The following COL6A6 variants were observed in gnomAD, a reference collection of about 807,000 sequenced individuals.
The protein encoded by COL6A6 is collagen alpha-6(VI) chain.
Under a neutral mutation model 208.6 loss-of-function variants are expected in COL6A6, and 183 were observed. The ratio of observed to expected loss-of-function variants is 0.88; its 90% CI spans 0.78 to 0.99. COL6A6 has a LOEUF of 0.99. Among genes scored for constraint, COL6A6 ranks in the 50% least tolerant of loss-of-function variants. The pLI, the probability that COL6A6 is intolerant of heterozygous loss-of-function variation, is 0.00. For missense variants in COL6A6, 2,816 were observed against 2,815.2 expected, an observed-to-expected ratio of 1.00 and a Z score of -0.01; for synonymous variants, 973 against 1,011.8, an observed-to-expected ratio of 0.96 and a Z score of 0.73.
chr3:130,637,326 T>C (rs1441101312), intron 28 of COL6A6, among the ~76,000 whole-genome samples: 1 of 151,542 alleles, frequency 6.6e-6, no homozygotes, highest in African/African-American at 2.4e-5. Context: ...AATTAAGAAG[T>C]TTAACCTTGA....
rs141952501 is a variant in COL6A6, at chr3:130,613,367, G to T, written c.4815+2656G>T. ...CTGGGCTCTCTATTCTGTTCCATTGGTCTAGAGTCTGTTTTTATGCCAGTA... is the reference window on the plus strand; with the variant it reads ...CTGGGCTCTCTATTCTGTTCCATTGTTCTAGAGTCTGTTTTTATGCCAGTA... On this transcript the variant is annotated intron_variant, in intron 23 of 36. Transcript: ENST00000358511. Among the ~76,000 whole-genome samples, 141 of 152,154 alleles carry T rather than the reference G, an allele frequency of 9.3e-4. No individual in the cohort carries two copies. In the East Asian group the frequency reaches 0.021, roughly 22 times the overall value.
intron 1 of COL6A6, among the ~76,000 whole-genome samples, chr3:130,559,126 A>G (rs1208576961): frequency 6.6e-6 from 1 of 152,240 alleles, no homozygotes; most frequent in African/African-American, 2.4e-5. Flanking sequence ...TGAAAGCTCA[A>G]CAAATGGCAG....
chr3:130,573,915 T>G (rs1259757365), intron 7 of COL6A6, 41 bp from the exon 8 acceptor site: 1 of 1,403,652 alleles, frequency 7.1e-7, no homozygotes, highest in African/African-American at 1.4e-5. Context: ...AAGGAAAGAA[T>G]AACAATCTGG....
chr3:130,667,043 ATT>A (rs2066092538), intron 36 of COL6A6, among the ~76,000 whole-genome samples: 1 of 152,208 alleles, frequency 6.6e-6, no homozygotes, highest in Non-Finnish European at 1.5e-5. Context: ...GTGGAAGAAA[ATT>A]TTGTCAACTT....
chr3:130,576,487 C>T (rs2063301162), intron 8 of COL6A6, among the ~76,000 whole-genome samples: 1 of 152,144 alleles, frequency 6.6e-6, no homozygotes, highest in African/African-American at 2.4e-5. Context: ...TCGGCCAAAC[C>T]TTCCACATTA....
At chr3:130,582,383 C>T (rs2063446228) in intron 10 of COL6A6, among the ~76,000 whole-genome samples, 1 of 152,142 alleles carries the variant, frequency 6.6e-6, no homozygotes, top group Non-Finnish European at 1.5e-5. Context: ...TCTAATATTG[C>T]TACTTCTTTA....
In COL6A6 at chr3:130,649,383, A is replaced by G; in HGVS notation, c.5554A>G (p.Asn1852Asp). ...CAGAGCAATGCGGTTTATTTCCAGGAATGTCTTCAAGCGGACGCTTCCGGG... is the reference window on the plus strand; with the variant it reads ...CAGAGCAATGCGGTTTATTTCCAGGGATGTCTTCAAGCGGACGCTTCCGGG... ...IGRAMRFISR[N>D]VFKRTLPGAH... Residue 1852 changes from asparagine to aspartate, a missense_variant, in exon 33 of 37, where the codon AAT becomes GAT. Transcript: ENST00000358511. The G allele has an allele frequency of 6.2e-7, 1 of 1,612,818 alleles. No homozygotes were observed. The highest frequency in any genetic ancestry group is 8.5e-7 in the Non-Finnish European group (1 of 1,179,452).
chr3:130,624,722 C>T (rs1255661107), intron 24 of COL6A6, among the ~76,000 whole-genome samples: 3 of 152,070 alleles, frequency 2.0e-5, no homozygotes, highest in Non-Finnish European at 4.4e-5. Context: ...ATTATTAATA[C>T]AAAAGACTTG....
At chr3:130,534,367 T>C (rs4682615) in intron 1 of COL6A6, among the ~76,000 whole-genome samples, 111,414 of 152,108 alleles carry the variant, frequency 0.73, 43,381 homozygotes, top group Non-Finnish European at 0.87. Flanking sequence ...GAGTCAGTGA[T>C]TTCATATTGA....
chr3:130,673,603 A>G lies in COL6A6; in HGVS notation c.6597-1599A>G, dbSNP rs117606621. 8.4e-3 allele frequency among the ~76,000 whole-genome samples: 1,276 copies of G among 152,250 alleles called. 19 individuals are homozygous for G. Among genetic ancestry groups the G allele is most frequent in the East Asian group, 0.052 (268 of 5,172 alleles). On this transcript the variant is annotated intron_variant, in intron 36 of 36. Transcript: ENST00000358511. ...CCCATATCAGTGGAGCCAATGTTCT[A>G]TGCATACAATCGTCACTTTGGGGAA...
Position 130,586,598 on chromosome 3 carries a change from G to A in COL6A6, c.4063G>A (p.Glu1355Lys), listed in dbSNP as rs1359901056. The change falls in exon 11 of 37, where the codon GAG becomes AAG. Residue 1355 changes from glutamate (E) to lysine (K), a missense_variant. Coordinates refer to ENST00000358511, the MANE Select transcript of COL6A6 (RefSeq NM_001102608.3). ...CTATATTGAATTTGGGAAAGGATTT[G>A]AGTACAGGACACAGCTCTCTATTGG... ...LPYIEFGKGFEYRTQLSIGMR... is the reference protein window; with the variant it reads ...LPYIEFGKGFKYRTQLSIGMR... The A allele has an allele frequency of 1.9e-6, 3 of 1,613,992 alleles. No homozygotes were observed. In the South Asian group the frequency reaches 3.3e-5, roughly 18 times the overall value.
At chr3:130,534,933 C>T (rs544390342) in intron 1 of COL6A6, among the ~76,000 whole-genome samples, 99 of 148,212 alleles carry the variant, frequency 6.7e-4, no homozygotes, top group African/African-American at 2.6e-3. Context: ...GTTATAGTAG[C>T]ATTTATATTA....
rs754932780 is a variant in COL6A6, at chr3:130,568,377, T to A, written c.2174T>A (p.Phe725Tyr). 6.2e-7 allele frequency: 1 copy of A among 1,613,972 alleles called. No individual in the cohort carries two copies. The highest frequency in any genetic ancestry group is 8.5e-7 in the Non-Finnish European group (1 of 1,179,880). ...GGCGCCCGGCCCAACATCAGAAAGT[T>A]TCTCATCCTCATCACGGATGGTGAA... ...TKGARPNIRK[F>Y]LILITDGEAQ... The change falls in exon 6 of 37, where the codon TTT becomes TAT. Residue 725 changes from phenylalanine (F) to tyrosine (Y), a missense_variant. By Grantham distance (22) the Phe-to-Tyr change is conservative. Transcript: ENST00000358511.
intron 35 of COL6A6, 48 bp downstream of exon 35, chr3:130,662,356 T>C (rs1438573373): frequency 6.5e-7 from 1 of 1,536,362 alleles, no homozygotes; most frequent in Admixed American, 1.9e-5. Context: ...ATATACTTGG[T>C]ATTACTAAAA....
intron 34 of COL6A6, among the ~76,000 whole-genome samples, chr3:130,661,103 G>A (rs2065919593): frequency 6.6e-6 from 1 of 152,126 alleles, no homozygotes; most frequent in Non-Finnish European, 1.5e-5. Flanking sequence ...TTCAACTAAT[G>A]AGCACTATGG....
At position 130,571,372 on chromosome 3, in the gene COL6A6, G is replaced by A. The variant is rs771527251; in HGVS notation, c.2956G>A (p.Val986Ile). 6.3e-7 allele frequency: 1 copy of A among 1,580,274 alleles called. No individual in the cohort carries two copies. The highest frequency in any genetic ancestry group is 8.6e-7 in the Non-Finnish European group (1 of 1,165,210). ...AATATTTTCAGATGTGACAGCCAGT[G>A]TCTGCAACTCTTCAAAAGTAGGTAA... ...KGIFSDVTAS[V>I]CNSSKVDCEI... Residue 986 changes from valine to isoleucine, a missense_variant, in exon 7 of 37, where the codon GTC becomes ATC. Val to Ile is a conservative substitution (Grantham distance 29). Coordinates refer to ENST00000358511, the MANE Select transcript of COL6A6 (RefSeq NM_001102608.3).
chr3:130,573,464 G>C (rs2063213644), intron 7 of COL6A6, among the ~76,000 whole-genome samples: 1 of 151,932 alleles, frequency 6.6e-6, no homozygotes. Flanking sequence ...CTGACTTTAA[G>C]AGCTGATCAT....
At chr3:130,622,284 G>A (rs1489615696) in intron 24 of COL6A6, among the ~76,000 whole-genome samples, 4 of 143,802 alleles carry the variant, frequency 2.8e-5, no homozygotes, top group African/African-American at 1.0e-4. Flanking sequence ...ACTGTACTGA[G>A]CGTTCGGTTG....
chr3:130,568,539 A>C lies in COL6A6; in HGVS notation c.2336A>C (p.Glu779Ala). The change falls in exon 6 of 37, where the codon GAG (glutamate) becomes GCG (alanine). Residue 779 changes from glutamate (E) to alanine (A), a missense_variant. Coordinates refer to ENST00000358511, the MANE Select transcript of COL6A6 (RefSeq NM_001102608.3). ...AGGCCCGAGATGGTTTTTTATGTTG[A>C]GAATTTTGACATTCTGCAGCGCATT... The part of the protein sequence containing the change: ...SGRPEMVFYV[E>A]NFDILQRIED... 5.0e-6 allele frequency: 8 copies of C among 1,611,352 alleles called. No individual in the cohort carries two copies. Among genetic ancestry groups the C allele is most frequent in the Non-Finnish European group, 6.8e-6 (8 of 1,179,862 alleles).
Sources: gnomAD v4.1 joint callset for allele counts (sites outside exome capture counted in the v4.1 genomes callset) on GRCh38, gnomAD v4.1.1 for gene constraint, MANE v1.5 for transcripts, NCBI Gene and HGNC (gene_info 2026-07-23, HGNC 2026-07-21) for gene names.